ARHGEF10: variants seen among roughly 807,000 people sequenced by gnomAD.
The protein encoded by ARHGEF10 is Rho guanine nucleotide exchange factor (GEF) 10.
Under a neutral mutation model 147.4 loss-of-function variants are expected in ARHGEF10, and 140 were observed. The observed-to-expected ratio is 0.95, with a 90% CI of 0.83 to 1.09. The LOEUF is 1.09. Ranked by LOEUF, ARHGEF10 falls within the 50% of genes least tolerant of loss-of-function variation. The pLI, the probability that ARHGEF10 is intolerant of heterozygous loss-of-function variation, is 0.00. For synonymous variants in ARHGEF10, 902 were observed against 695.8 expected (o/e 1.30, Z -4.67); for missense variants, 2,222 against 1,752.7 (o/e 1.27, Z -4.78).
At chr8:1,950,130 G>A (rs1814910423) in intron 27 of ARHGEF10, among the ~76,000 whole-genome samples, 1 of 152,128 alleles carries the variant, frequency 6.6e-6, no homozygotes. Context: ...CAACCTCACT[G>A]TGCAGCTGCA....
intron 25 of ARHGEF10, among the ~76,000 whole-genome samples, chr8:1,929,797 G>A (rs578007264): frequency 8.7e-4 from 132 of 152,300 alleles, no homozygotes; most frequent in African/African-American, 3.0e-3. Context: ...GGGGCCTCCT[G>A]TACCTGGGCC....
intron 2 of ARHGEF10, among the ~76,000 whole-genome samples, chr8:1,845,291 G>GA (rs1166177036): frequency 1.3e-5 from 2 of 148,990 alleles, no homozygotes; most frequent in Admixed American, 6.6e-5. Flanking sequence ...GTCCCTCCAG[G>GA]GGCCCCCTCC....
chr8:1,888,503 G>GA, intron 11 of ARHGEF10, among the ~76,000 whole-genome samples: 1 of 141,628 alleles, frequency 7.1e-6, no homozygotes, highest in African/African-American at 2.8e-5. Context: ...AGAAGTCTGT[G>GA]GAGATACTGA....
At chr8:1,900,309 C>T (rs575093096) in intron 15 of ARHGEF10, among the ~76,000 whole-genome samples, 11 of 152,250 alleles carry the variant, frequency 7.2e-5, no homozygotes, top group South Asian at 2.1e-4. Flanking sequence ...TTGAGGAGCC[C>T]GAGCAGCTCC....
At chr8:1,906,058 A>G (rs1464990949) in intron 17 of ARHGEF10, among the ~76,000 whole-genome samples, 1 of 152,224 alleles carries the variant, frequency 6.6e-6, no homozygotes, top group Non-Finnish European at 1.5e-5. Flanking sequence ...CTGCTTCTCT[A>G]TAAATATATT....
chr8:1,947,591 G>C (rs2129279489), intron 27 of ARHGEF10, among the ~76,000 whole-genome samples: 1 of 152,090 alleles, frequency 6.6e-6, no homozygotes, highest in East Asian at 1.9e-4. Context: ...GGATAGGAAA[G>C]CCTGCGCTCT....
chr8:1,876,719 C>T lies in ARHGEF10; in HGVS notation c.828C>T (p.Ser276=), dbSNP rs138769512. 1.2e-6 allele frequency: 2 copies of T among 1,614,054 alleles called. No homozygotes were observed. The highest frequency in any genetic ancestry group is 1.3e-5 in the African/African-American group (1 of 74,922). Residue 276 remains serine, a synonymous_variant, in exon 8 of 29, where the codon AGC becomes AGT. Coordinates refer to ENST00000349830, the MANE Select transcript of ARHGEF10 (RefSeq NM_014629.4). Reference sequence around the variant, plus strand: ...GGATTCCCAGGTCCTTCCTGCGCAGCAACCACAAAAAGCAAGTACGTGTTC... The same window carrying T: ...GGATTCCCAGGTCCTTCCTGCGCAGTAACCACAAAAAGCAAGTACGTGTTC... The part of the protein sequence containing the change: ...KNGIPRSFLR[S]NHKKQLSHDL...
chr8:1,860,272 T>G (rs1241597989), intron 4 of ARHGEF10, 88 bp downstream of exon 4: 2 of 1,474,034 alleles, frequency 1.4e-6, no homozygotes, highest in Non-Finnish European at 1.9e-6. Flanking sequence ...TTCCCTCCTC[T>G]GCATGCCCCG....
chr8:1,847,598 G>A (rs987390914), intron 2 of ARHGEF10, among the ~76,000 whole-genome samples: 1 of 151,884 alleles, frequency 6.6e-6, no homozygotes, highest in African/African-American at 2.4e-5. Flanking sequence ...TGTTTCTGGG[G>A]GCAGCATTGT....
rs1279325509 is a variant in ARHGEF10 at position 1,919,177 on chromosome 8, C to CCCTGGGTGATGGAGCTGT, written c.2144-3787_2144-3786insCCTGGGTGATGGAGCTGT. On this transcript the variant is annotated intron_variant, in intron 18 of 28. Coordinates refer to ENST00000349830, the MANE Select transcript of ARHGEF10 (RefSeq NM_014629.4). ...CTGTTCCGTGGGTGATGGAGCTGTTCTCTGGGTGATGGAGCTGTTCCGTGG... is the reference window on the plus strand; with the variant it reads ...CTGTTCCGTGGGTGATGGAGCTGTTCCCTGGGTGATGGAGCTGTTCTGGGTGATGGAGCTGTTCCGTGG... 4.5e-4 allele frequency among the ~76,000 whole-genome samples: 63 copies of CCCTGGGTGATGGAGCTGT among 140,298 alleles called. 1 individual carries two copies. Among genetic ancestry groups the CCCTGGGTGATGGAGCTGT allele is most frequent in the South Asian group, 9.2e-4 (4 of 4,326 alleles). The allele number at this position is 140,298 out of a possible 152,430, so 92.0% of individuals were successfully genotyped here.
chr8:1,853,294 C>T (rs115254249), intron 2 of ARHGEF10, among the ~76,000 whole-genome samples: 1,655 of 152,318 alleles, frequency 0.011, 29 homozygotes, highest in African/African-American at 0.037. Context: ...CCCAGAGCGC[C>T]GGGCCCTTCC....
intron 1 of ARHGEF10, among the ~76,000 whole-genome samples, chr8:1,830,059 G>A (rs992826329): frequency 1.3e-5 from 2 of 152,226 alleles, no homozygotes; most frequent in Non-Finnish European, 2.9e-5. Context: ...CTGCAGTTTG[G>A]AGGCAGCTCC....
intron 2 of ARHGEF10, among the ~76,000 whole-genome samples, chr8:1,852,295 A>G (rs1805217011): frequency 2.5e-5 from 1 of 39,404 alleles, no homozygotes; most frequent in Non-Finnish European, 4.9e-5. Flanking sequence ...CCTGGAGAGG[A>G]CCGGGGAGCA....
intron 7 of ARHGEF10, 92 bp downstream of exon 7, chr8:1,869,342 C>T (rs530342078): frequency 8.3e-6 from 9 of 1,086,572 alleles, no homozygotes; most frequent in South Asian, 2.5e-5. Flanking sequence ...ACGGCCCAGA[C>T]GTTTTCTGTA....
At chr8:1,881,221 C>T (rs969245680) in intron 9 of ARHGEF10, among the ~76,000 whole-genome samples, 1 of 152,110 alleles carries the variant, frequency 6.6e-6, no homozygotes, top group African/African-American at 2.4e-5. Context: ...CCTGTGTCAG[C>T]CCTGAGATCC....
chr8:1,953,658 C>G (rs963255058), intron 28 of ARHGEF10, among the ~76,000 whole-genome samples: 1 of 152,058 alleles, frequency 6.6e-6, no homozygotes, highest in Non-Finnish European at 1.5e-5. Flanking sequence ...CAGGAGGTGA[C>G]CCGCAGTTCG....
intron 18 of ARHGEF10, among the ~76,000 whole-genome samples, chr8:1,915,116 C>T (rs1003818034): frequency 2.0e-5 from 3 of 152,142 alleles, no homozygotes; most frequent in Non-Finnish European, 4.4e-5. Flanking sequence ...AGATGAACGG[C>T]CTCCCTTCGT....
intron 2 of ARHGEF10, among the ~76,000 whole-genome samples, chr8:1,846,027 G>C (rs559064686): frequency 6.6e-6 from 1 of 152,260 alleles, no homozygotes. Flanking sequence ...CTTGGGCCAA[G>C]GCTACTGGAT....
At chr8:1,849,124 T>C (rs1261340193) in intron 2 of ARHGEF10, among the ~76,000 whole-genome samples, 2 of 152,248 alleles carry the variant, frequency 1.3e-5, no homozygotes, top group African/African-American at 2.4e-5. Context: ...TAAACTTAGA[T>C]ACTTTATTTG....
Sources: gnomAD v4.1 joint callset for allele counts (sites outside exome capture counted in the v4.1 genomes callset) on GRCh38, gnomAD v4.1.1 for gene constraint, MANE v1.5 for transcripts, NCBI Gene and HGNC (gene_info 2026-07-23, HGNC 2026-07-21) for gene names.